TPD52L1: variants seen among roughly 807,000 people sequenced by gnomAD.
TPD52L1 encodes the protein tumor protein D53.
In TPD52L1, 18 loss-of-function variants were observed where a neutral mutation model predicts 28.7. The observed-to-expected ratio is 0.63, with a 90% CI of 0.43 to 0.93. The LOEUF is 0.93. TPD52L1 is among the 40% of genes least tolerant of loss of function. The pLI is 0.00. For synonymous variants in TPD52L1, 75 were observed against 88.8 expected (o/e 0.84, Z 0.88); for missense variants, 203 against 254.8 (o/e 0.80, Z 1.39).
At position 125,224,470 on chromosome 6, in the gene TPD52L1, CCTCT is replaced by C. The variant is rs58505448; in HGVS notation, c.135+4301_135+4304del. On this transcript the variant is annotated intron_variant, in intron 2 of 6. Coordinates refer to ENST00000534000, the MANE Select transcript of TPD52L1 (RefSeq NM_003287.4). ...GCAAAGAAGTGCCTTAGGCTCTGGG[CCTCT>C]CTCTCTCTCTCTCTCTCTCTCTCAG... is the stretch of plus-strand genomic sequence containing the variant. Among the ~76,000 whole-genome samples the C allele has an allele frequency of 4.9e-4, 70 of 143,224 alleles. 1 individual carries two copies. Among genetic ancestry groups the C allele is most frequent in the East Asian group, 2.3e-3 (11 of 4,762 alleles). The allele number at this position is 143,224 out of a possible 152,430, so 94.0% of individuals were successfully genotyped here. A position where few individuals can be genotyped will look rare whatever the true frequency, so the allele number is the denominator to read the frequency against.
At chr6:125,226,569 C>T (rs572910811) in intron 2 of TPD52L1, among the ~76,000 whole-genome samples, 1 of 152,132 alleles carries the variant, frequency 6.6e-6, no homozygotes, top group East Asian at 1.9e-4. Context: ...GTTCAAGCCT[C>T]TTTCTCCTTG....
chr6:125,182,051 T>C (rs1411495359), intron 1 of TPD52L1, among the ~76,000 whole-genome samples: 4 of 152,162 alleles, frequency 2.6e-5, no homozygotes, highest in Non-Finnish European at 5.9e-5. Context: ...GAGGCACAGA[T>C]GTACTTCTCT....
At chr6:125,159,035 G>A (rs573682474) in intron 1 of TPD52L1, among the ~76,000 whole-genome samples, 3 of 152,334 alleles carry the variant, frequency 2.0e-5, no homozygotes, top group South Asian at 2.1e-4. Context: ...CCTGGATGTC[G>A]ATGGCTGCTG....
chr6:125,156,070 G>C (rs560147894), intron 1 of TPD52L1, among the ~76,000 whole-genome samples: 10 of 152,322 alleles, frequency 6.6e-5, no homozygotes, highest in African/African-American at 1.7e-4. Context: ...CAGCTGTCCT[G>C]TGGTGCTCTT....
At chr6:125,228,985 T>C in intron 2 of TPD52L1, 133 bp from the exon 3 acceptor site, 1 of 797,226 alleles carries the variant, frequency 1.3e-6, no homozygotes, top group Non-Finnish European at 1.9e-6. Flanking sequence ...GTATGGGGTG[T>C]ATTTGGCAAA....
chr6:125,253,414 C>T (rs968313295), intron 4 of TPD52L1: 1 of 409,482 alleles, frequency 2.4e-6, no homozygotes, highest in African/African-American at 2.0e-5. Context: ...AGAAGATGCC[C>T]ATGGGCTACT....
chr6:125,227,765 A>T (rs1340104353), intron 2 of TPD52L1, among the ~76,000 whole-genome samples: 1 of 152,202 alleles, frequency 6.6e-6, no homozygotes, highest in Non-Finnish European at 1.5e-5. Flanking sequence ...ATTCAGATTT[A>T]TTTTCACAGG....
intron 3 of TPD52L1, among the ~76,000 whole-genome samples, chr6:125,237,155 G>A (rs1411165154): frequency 1.3e-5 from 2 of 152,088 alleles, no homozygotes; most frequent in African/African-American, 4.8e-5. Flanking sequence ...CCCACCAGGT[G>A]GACTTTGGCT....
At chr6:125,191,653 G>C (rs1793051756) in intron 1 of TPD52L1, among the ~76,000 whole-genome samples, 3 of 152,182 alleles carry the variant, frequency 2.0e-5, no homozygotes, top group Admixed American at 2.0e-4. Context: ...GACATTCTGA[G>C]TGTAAGACCA....
intron 2 of TPD52L1, among the ~76,000 whole-genome samples, chr6:125,226,446 T>C (rs1795616183): frequency 6.6e-6 from 1 of 152,146 alleles, no homozygotes; most frequent in Admixed American, 6.5e-5. Flanking sequence ...ATGGCAGCTC[T>C]GAATCCTTTC....
At chr6:125,167,682 T>C (rs375057447) in intron 1 of TPD52L1, among the ~76,000 whole-genome samples, 23 of 152,332 alleles carry the variant, frequency 1.5e-4, no homozygotes, top group South Asian at 1.0e-3. Flanking sequence ...AGAAGACATG[T>C]GATTACATCG....
chr6:125,216,727 T>G (rs1232926282), intron 1 of TPD52L1, among the ~76,000 whole-genome samples: 2 of 151,922 alleles, frequency 1.3e-5, no homozygotes, highest in Non-Finnish European at 2.9e-5. Context: ...AAAAGGAAAT[T>G]ACTTAGCATT....
chr6:125,170,337 C>T (rs1294934654), intron 1 of TPD52L1, among the ~76,000 whole-genome samples: 1 of 151,694 alleles, frequency 6.6e-6, no homozygotes, highest in African/African-American at 2.4e-5. Flanking sequence ...GAGAGTAACA[C>T]TGAGGTTAGG....
intron 6 of TPD52L1, chr6:125,260,989 A>G (rs1186489321): frequency 2.3e-5 from 1 of 44,390 alleles, no homozygotes; most frequent in South Asian, 1.1e-3. Context: ...AAGAAAAGAA[A>G]GAAAGAAAGA....
At chr6:125,176,585 A>G (rs1189033135) in intron 1 of TPD52L1, among the ~76,000 whole-genome samples, 1 of 152,212 alleles carries the variant, frequency 6.6e-6, no homozygotes, top group East Asian at 1.9e-4. Flanking sequence ...CTGGCCTTAT[A>G]CTAATACAGT....
chr6:125,240,782 T>C (rs1392151721), intron 3 of TPD52L1, among the ~76,000 whole-genome samples: 3 of 152,122 alleles, frequency 2.0e-5, no homozygotes, highest in Non-Finnish European at 4.4e-5. Flanking sequence ...CAGCAACAGT[T>C]TGACTTCCTC....
At chr6:125,217,533 G>A (rs1326997859) in intron 1 of TPD52L1, among the ~76,000 whole-genome samples, 1 of 152,110 alleles carries the variant, frequency 6.6e-6, no homozygotes, top group Admixed American at 6.6e-5. Context: ...CCTGATGGGA[G>A]GCAGAGCTCA....
At chr6:125,154,394 C>A in intron 1 of TPD52L1, 1 of 996,194 alleles carries the variant, frequency 1.0e-6, no homozygotes, top group Non-Finnish European at 1.2e-6. Flanking sequence ...GCTTGTGGCT[C>A]CCAAGTTAGG....
intron 1 of TPD52L1, among the ~76,000 whole-genome samples, chr6:125,171,000 C>G (rs1791265194): frequency 6.6e-6 from 1 of 152,090 alleles, no homozygotes; most frequent in Non-Finnish European, 1.5e-5. Context: ...ATTCCTCATC[C>G]CAAGAGATGA....
Sources: allele counts gnomAD v4.1 joint callset (sites outside exome capture counted in the v4.1 genomes callset), GRCh38; gene constraint gnomAD v4.1.1; transcripts MANE v1.5; gene names NCBI Gene and HGNC (gene_info 2026-07-23, HGNC 2026-07-21).